DNAH9: variants seen among roughly 807,000 people sequenced by gnomAD.
DNAH9 encodes the protein dynein axonemal heavy chain 9.
Under a neutral mutation model 471.6 loss-of-function variants are expected in DNAH9, and 345 were observed. The ratio of observed to expected loss-of-function variants is 0.73; its 90% confidence interval spans 0.67 to 0.80. The LOEUF is 0.80. Ranked by LOEUF, DNAH9 falls within the 30% of genes least tolerant of loss-of-function variation. The probability of loss-of-function intolerance (pLI) is 0.00; values close to 1 mark genes in which losing one functional copy is unlikely to be tolerated. For missense variants in DNAH9, 5,407 were observed against 5,609.2 expected (o/e 0.96, Z 1.15); for synonymous variants, 2,093 against 2,123.6 (o/e 0.99, Z 0.40).
intron 15 of DNAH9, among the ~76,000 whole-genome samples, chr17:11,667,200 A>G (rs1206920980): frequency 6.6e-6 from 1 of 152,250 alleles, no homozygotes; most frequent in Non-Finnish European, 1.5e-5. Flanking sequence ...CTATTAATTT[A>G]TAAGTACATA....
chr17:11,808,329 C>G (rs1567816610), intron 44 of DNAH9, among the ~76,000 whole-genome samples: 1 of 152,198 alleles, frequency 6.6e-6, no homozygotes, highest in Non-Finnish European at 1.5e-5. Flanking sequence ...ACAGCCAGCA[C>G]TTGGAGGCTG....
intron 28 of DNAH9, among the ~76,000 whole-genome samples, chr17:11,737,910 A>T (rs2075372895): frequency 6.6e-6 from 1 of 152,202 alleles, no homozygotes; most frequent in African/African-American, 2.4e-5. Context: ...GAGGATGGTC[A>T]CATGGGTATC....
At chr17:11,777,954 A>G (rs1254165283) in intron 38 of DNAH9, among the ~76,000 whole-genome samples, 1 of 152,182 alleles carries the variant, frequency 6.6e-6, no homozygotes, top group African/African-American at 2.4e-5. Flanking sequence ...AATACACAAG[A>G]TAATAAGTAA....
chr17:11,605,390 G>C (rs2072479931), intron 1 of DNAH9, among the ~76,000 whole-genome samples: 1 of 152,180 alleles, frequency 6.6e-6, no homozygotes, highest in South Asian at 2.1e-4. Flanking sequence ...GTTCACGGGT[G>C]TATCCTCCTA....
intron 36 of DNAH9, among the ~76,000 whole-genome samples, chr17:11,768,114 A>T (rs1968043567): frequency 2.0e-5 from 3 of 152,120 alleles, no homozygotes; most frequent in African/African-American, 7.2e-5. Flanking sequence ...GAATGGGGCC[A>T]ATCTACCTCT....
intron 2 of DNAH9, among the ~76,000 whole-genome samples, chr17:11,609,839 A>T (rs903450207): frequency 2.6e-5 from 4 of 152,226 alleles, no homozygotes; most frequent in Non-Finnish European, 5.9e-5. Context: ...CAGGTGGCTG[A>T]TTATTAGCCT....
chr17:11,902,217 T>C (rs969647096), intron 59 of DNAH9, among the ~76,000 whole-genome samples: 1 of 152,220 alleles, frequency 6.6e-6, no homozygotes, highest in Non-Finnish European at 1.5e-5. Flanking sequence ...TACCAAGTTA[T>C]ACATTTGGAC....
At chr17:11,843,699 A>T (rs978648090) in intron 49 of DNAH9, among the ~76,000 whole-genome samples, 3 of 151,200 alleles carry the variant, frequency 2.0e-5, no homozygotes, top group Non-Finnish European at 4.4e-5. Flanking sequence ...GATGGAAGAA[A>T]AGTGTGCATT....
chr17:11,877,473 T>TTA (rs1428692448), intron 53 of DNAH9, among the ~76,000 whole-genome samples: 266 of 68,628 alleles, frequency 3.9e-3, no homozygotes, highest in African/African-American at 0.017. Context: ...AAACTCTGTC[T>TTA]AAAAAAAAAA....
intron 22 of DNAH9, 73 bp downstream of exon 22, chr17:11,694,520 C>G: frequency 6.6e-7 from 1 of 1,526,126 alleles, no homozygotes; most frequent in Non-Finnish European, 9.0e-7. Flanking sequence ...GTTTCTGGCT[C>G]CCCATCATGC....
intron 56 of DNAH9, among the ~76,000 whole-genome samples, chr17:11,885,501 C>A (rs904724753): frequency 7.2e-5 from 11 of 151,920 alleles, no homozygotes; most frequent in African/African-American, 2.7e-4. Flanking sequence ...GCTTTTGTAA[C>A]AATTTCCTGA....
In DNAH9 at chr17:11,654,073, A is replaced by ATCATCCATCTATC. The variant is rs1597439262; in HGVS notation, c.2595+1071_2595+1072insTCATCCATCTATC. On this transcript the variant is annotated intron_variant, in intron 14 of 68. Coordinates refer to ENST00000262442, the MANE Select transcript of DNAH9 (RefSeq NM_001372.4). ...GATTTTAAAAGTTTAAAATCGATCTAGGCCGGGCGCGGTGGCTCACGCTTG... is the reference window on the plus strand; with the variant it reads ...GATTTTAAAAGTTTAAAATCGATCTATCATCCATCTATCGGCCGGGCGCGGTGGCTCACGCTTG... Among the ~76,000 whole-genome samples the ATCATCCATCTATC allele has an allele frequency of 4.5e-3, 591 of 131,914 alleles. 22 individuals carry two copies. Among genetic ancestry groups the ATCATCCATCTATC allele is most frequent in the South Asian group, 7.3e-3 (30 of 4,084 alleles). The allele number at this position is 131,914 out of a possible 152,430, so 86.5% of individuals were successfully genotyped here.
At chr17:11,809,598 A>G (rs1271117248) in intron 44 of DNAH9, among the ~76,000 whole-genome samples, 1 of 152,030 alleles carries the variant, frequency 6.6e-6, no homozygotes, top group African/African-American at 2.4e-5. Flanking sequence ...AAAAACTACA[A>G]GACCCTGCTA....
rs764156583 is a variant in DNAH9, at chr17:11,892,441, A to T, written c.11283+494A>T. On this transcript the variant is annotated intron_variant, in intron 58 of 68. Transcript: ENST00000262442. The surrounding 1 kb of genome is among the most constrained non-coding windows in gnomAD (Gnocchi z 4.3). ...CCTTGACCTTAGAAAGTTTTCAATA[A>T]CGTTGGTTCTCAAGGGTTTGGGAAG... Among the ~76,000 whole-genome samples the T allele has an allele frequency of 6.6e-5, 10 of 152,146 alleles. No homozygotes were observed. Among genetic ancestry groups the T allele is most frequent in the Non-Finnish European group, 1.5e-4 (10 of 68,024 alleles).
At chr17:11,912,829 A>C (rs1973831704) in intron 61 of DNAH9, among the ~76,000 whole-genome samples, 1 of 152,220 alleles carries the variant, frequency 6.6e-6, no homozygotes, top group African/African-American at 2.4e-5. Context: ...TAATCTATAC[A>C]TCAGAATTAG....
At chr17:11,889,501 G>A (rs1276180987) in intron 57 of DNAH9, among the ~76,000 whole-genome samples, 1 of 152,192 alleles carries the variant, frequency 6.6e-6, no homozygotes, top group African/African-American at 2.4e-5. Context: ...CCCTAGATTG[G>A]CATGTGCCTC....
intron 19 of DNAH9, among the ~76,000 whole-genome samples, chr17:11,683,468 G>A (rs539380065): frequency 6.6e-5 from 10 of 152,174 alleles, no homozygotes; most frequent in African/African-American, 1.9e-4. Flanking sequence ...CACCACGCCC[G>A]GCCCAACAGT....
In DNAH9 at chr17:11,923,877, A is replaced by G. The variant is rs768772695; in HGVS notation, c.11813A>G (p.Gln3938Arg). ...CACAACGTGTCTTTGGGGCAAGGACAGGAAGTGGTGGCTGAGGCTGCGCTG... is the reference window on the plus strand; with the variant it reads ...CACAACGTGTCTTTGGGGCAAGGACGGGAAGTGGTGGCTGAGGCTGCGCTG... Reference protein sequence around the residue: ...NFHNVSLGQGQEVVAEAALDL... With the variant: ...NFHNVSLGQGREVVAEAALDL... The change falls in exon 62 of 69, where the codon CAG becomes CGG. Residue 3938 changes from glutamine (Q) to arginine (R), a missense_variant. Coordinates refer to ENST00000262442, the MANE Select transcript of DNAH9 (RefSeq NM_001372.4). 31 of 1,614,024 alleles carry G rather than the reference A, an allele frequency of 1.9e-5. No individual in the cohort carries two copies. Among genetic ancestry groups the G allele is most frequent in the Admixed American group, 3.3e-5 (2 of 59,994 alleles).
intron 60 of DNAH9, among the ~76,000 whole-genome samples, chr17:11,904,316 T>C (rs1477794873): frequency 1.3e-5 from 2 of 151,844 alleles, no homozygotes; most frequent in Non-Finnish European, 2.9e-5. Context: ...CCAGGGGAAA[T>C]GAGCCTCTGA....
Sources: gnomAD v4.1 joint callset for allele counts (sites outside exome capture counted in the v4.1 genomes callset) on GRCh38, gnomAD v4.1.1 for gene constraint, Gnocchi (gnomAD v3.1) non-coding constraint, MANE v1.5 for transcripts, NCBI Gene and HGNC (gene_info 2026-07-23, HGNC 2026-07-21) for gene names.